The following SLC25A21 variants were observed in gnomAD, a reference collection of about 807,000 sequenced individuals.
SLC25A21 encodes the protein solute carrier family 25 member 21.
In SLC25A21, 47 loss-of-function variants were observed where a neutral mutation model predicts 43.8. The ratio of observed to expected loss-of-function variants is 1.07; its 90% CI spans 0.85 to 1.37. SLC25A21 has a LOEUF of 1.37. SLC25A21 is among the 40% of genes most tolerant of loss of function. The pLI, the probability that SLC25A21 is intolerant of heterozygous loss-of-function variation, is 0.00. For missense variants in SLC25A21, 352 were observed against 350.2 expected (o/e 1.00, Z -0.04); for synonymous variants, 131 against 121.3 (o/e 1.08, Z -0.52).
At chr14:37,025,021 A>G (rs1215909710) in intron 1 of SLC25A21, among the ~76,000 whole-genome samples, 2 of 152,126 alleles carry the variant, frequency 1.3e-5, no homozygotes, top group Non-Finnish European at 2.9e-5. Context: ...AGAATTTGTT[A>G]TTCTGTACAG....
intron 1 of SLC25A21, among the ~76,000 whole-genome samples, chr14:37,004,335 A>G (rs1960550445): frequency 6.6e-6 from 1 of 152,188 alleles, no homozygotes; most frequent in Non-Finnish European, 1.5e-5. Flanking sequence ...AAAAGACCCT[A>G]TGAAGGCTAT....
intron 1 of SLC25A21, among the ~76,000 whole-genome samples, chr14:37,139,120 A>G (rs1370397415): frequency 6.6e-6 from 1 of 152,140 alleles, no homozygotes; most frequent in Non-Finnish European, 1.5e-5. Flanking sequence ...ACTACCACAC[A>G]TTTAACTTAT....
rs901500933 is a variant in SLC25A21, at chr14:37,114,554, G to A, written c.70+57727C>T. On this transcript the variant is annotated intron_variant, in intron 1 of 9. Transcript: ENST00000331299. ...CTCTGAGGTTGTTCTAGTAAAACAC[G>A]CTATTTTTAAGAGGGAATAAACAAT... Among the ~76,000 whole-genome samples the A allele has an allele frequency of 1.2e-4, 18 of 152,102 alleles. 1 individual carries two copies. The highest frequency in any genetic ancestry group is 1.1e-3 in the Admixed American group (17 of 15,272).
chr14:37,131,764 C>A (rs1963395435), intron 1 of SLC25A21, among the ~76,000 whole-genome samples: 1 of 152,200 alleles, frequency 6.6e-6, no homozygotes, highest in South Asian at 2.1e-4. Flanking sequence ...AGTCTCCATA[C>A]TTGGGCTCAA....
At chr14:36,898,436 C>G (rs1891308654) in intron 1 of SLC25A21, among the ~76,000 whole-genome samples, 1 of 152,134 alleles carries the variant, frequency 6.6e-6, no homozygotes, top group Non-Finnish European at 1.5e-5. Flanking sequence ...GTCTGTCACC[C>G]CTTTCTTTGA....
intron 2 of SLC25A21, among the ~76,000 whole-genome samples, chr14:36,852,978 T>A (rs1321063252): frequency 6.6e-6 from 1 of 151,684 alleles, no homozygotes; most frequent in East Asian, 2.0e-4. Flanking sequence ...CTAGAACTTA[T>A]GTCCCTGGTA....
At chr14:36,789,280 C>G (rs1009201657) in intron 3 of SLC25A21, among the ~76,000 whole-genome samples, 1 of 151,792 alleles carries the variant, frequency 6.6e-6, no homozygotes, top group Non-Finnish European at 1.5e-5. Context: ...TGAAGTTCTG[C>G]TATGGAGGCT....
chr14:36,919,956 A>G (rs973805206), intron 1 of SLC25A21, among the ~76,000 whole-genome samples: 2 of 152,112 alleles, frequency 1.3e-5, no homozygotes, highest in African/African-American at 4.8e-5. Flanking sequence ...TTTTGTATAT[A>G]GATGTGTCCT....
At chr14:36,979,333 T>TTTTTG (rs1566787808) in intron 1 of SLC25A21, among the ~76,000 whole-genome samples, 193 of 128,904 alleles carry the variant, frequency 1.5e-3, no homozygotes, top group African/African-American at 7.0e-3. Context: ...GTTTTTTTGG[T>TTTTTG]TTTTTTTTTT....
intron 1 of SLC25A21, among the ~76,000 whole-genome samples, chr14:36,924,541 G>C (rs1373804203): frequency 2.0e-5 from 3 of 152,010 alleles, no homozygotes; most frequent in Non-Finnish European, 2.9e-5. Context: ...TGGGGAGAGG[G>C]GGGAGGGATA....
chr14:37,042,123 CAT>C (rs759720670), intron 1 of SLC25A21, among the ~76,000 whole-genome samples: 4 of 152,132 alleles, frequency 2.6e-5, no homozygotes, highest in Non-Finnish European at 5.9e-5. Flanking sequence ...GAAAAACAGA[CAT>C]GTGAATTTGA....
intron 3 of SLC25A21, among the ~76,000 whole-genome samples, chr14:36,803,886 A>T (rs1887950747): frequency 6.6e-6 from 1 of 152,218 alleles, no homozygotes; most frequent in Non-Finnish European, 1.5e-5. Flanking sequence ...AGTTAGGCCA[A>T]GACTCTAACA....
At chr14:37,048,995 T>A (rs1032358527) in intron 1 of SLC25A21, among the ~76,000 whole-genome samples, 8 of 152,172 alleles carry the variant, frequency 5.3e-5, no homozygotes, top group Non-Finnish European at 1.2e-4. Context: ...TGTTTCTTAA[T>A]ACAATGCTGA....
chr14:37,095,845 A>AC (rs1175447694), intron 1 of SLC25A21, among the ~76,000 whole-genome samples: 3,648 of 21,754 alleles, frequency 0.17, 168 homozygotes, highest in African/African-American at 0.22. Flanking sequence ...CACACACACA[A>AC]AAAACACCTT....
intron 1 of SLC25A21, among the ~76,000 whole-genome samples, chr14:37,077,057 C>T (rs1390702351): frequency 6.6e-6 from 1 of 152,124 alleles, no homozygotes; most frequent in Non-Finnish European, 1.5e-5. Context: ...CATTAAACCC[C>T]AAAGACCTAA....
intron 7 of SLC25A21, among the ~76,000 whole-genome samples, chr14:36,690,528 C>A (rs1882752277): frequency 6.6e-6 from 1 of 152,168 alleles, no homozygotes; most frequent in South Asian, 2.1e-4. Context: ...CTTCTTGTGA[C>A]TGATTCATTC....
At chr14:37,167,172 G>A (rs1964043317) in intron 1 of SLC25A21, among the ~76,000 whole-genome samples, 1 of 152,170 alleles carries the variant, frequency 6.6e-6, no homozygotes, top group African/African-American at 2.4e-5. Flanking sequence ...GCATATAACA[G>A]GGAGTATGAA....
chr14:36,906,265 T>C (rs1439312628), intron 1 of SLC25A21, among the ~76,000 whole-genome samples: 2 of 152,154 alleles, frequency 1.3e-5, no homozygotes, highest in African/African-American at 2.4e-5. Context: ...TGAAAAGGAA[T>C]ATATGTTCAT....
At chr14:36,945,732 G>A (rs79112386) in intron 1 of SLC25A21, among the ~76,000 whole-genome samples, 6,588 of 152,206 alleles carry the variant, frequency 0.043, 285 homozygotes, top group Middle Eastern at 0.14. Flanking sequence ...TGGGGAGCTA[G>A]TGCTTAATGG....
Sources: gnomAD v4.1 joint callset for allele counts (sites outside exome capture counted in the v4.1 genomes callset) on GRCh38, gnomAD v4.1.1 for gene constraint, MANE v1.5 for transcripts, NCBI Gene and HGNC (gene_info 2026-07-23, HGNC 2026-07-21) for gene names.